OTUD7B: variants seen among roughly 807,000 people sequenced by gnomAD.
The protein encoded by OTUD7B is OTU deubiquitinase 7B.
OTUD7B carries 34 observed loss-of-function variants against 82.2 expected under a neutral mutation model. The ratio of observed to expected loss-of-function variants is 0.41; its 90% CI spans 0.31 to 0.55. The LOEUF (loss-of-function observed/expected upper bound fraction) is 0.55. OTUD7B is among the 20% of genes least tolerant of loss of function. The pLI, the probability that OTUD7B is intolerant of heterozygous loss-of-function variation, is 0.20. For synonymous variants in OTUD7B, 398 were observed against 402.7 expected (o/e 0.99, Z 0.14); for missense variants, 944 against 1,062.1 (o/e 0.89, Z 1.55).
chr1:150,009,144 C>T (rs587686140), intron 1 of OTUD7B, among the ~76,000 whole-genome samples: 2 of 152,294 alleles, frequency 1.3e-5, no homozygotes, highest in East Asian at 1.9e-4. Flanking sequence ...GTAAGTTATA[C>T]ACAGCAAATA....
intron 2 of OTUD7B, among the ~76,000 whole-genome samples, chr1:149,974,529 C>CTA (rs1650155930): frequency 7.4e-6 from 1 of 135,734 alleles, no homozygotes; most frequent in Admixed American, 7.6e-5. Flanking sequence ...TTTTATTTTT[C>CTA]TTCTTTTTTT....
the OTUD7B span, among the ~76,000 whole-genome samples, chr1:150,044,669 CAAA>C: frequency 1.6e-5 from 2 of 125,416 alleles, no homozygotes; most frequent in African/African-American, 7.4e-5. Flanking sequence ...GATTCTGTCT[CAAA>C]AAATAATAAT....
chr1:150,051,757 T>C, the OTUD7B span, among the ~76,000 whole-genome samples: 1 of 152,220 alleles, frequency 6.6e-6, no homozygotes, highest in Non-Finnish European at 1.5e-5. Context: ...TATTTACTAC[T>C]ATTATTAAGA....
the OTUD7B span, among the ~76,000 whole-genome samples, chr1:150,035,367 C>G: frequency 4.6e-5 from 7 of 152,088 alleles, no homozygotes; most frequent in African/African-American, 1.7e-4. Context: ...AAAAAGGCAG[C>G]CTGAGTCCGG....
chr1:149,995,514 G>A (rs1651865693), intron 1 of OTUD7B, among the ~76,000 whole-genome samples: 1 of 151,958 alleles, frequency 6.6e-6, no homozygotes, highest in East Asian at 1.9e-4. Flanking sequence ...GGGAGGCAGG[G>A]GTTGCAGTGA....
the OTUD7B span, among the ~76,000 whole-genome samples, chr1:150,047,196 C>T: frequency 6.6e-6 from 1 of 152,218 alleles, no homozygotes; most frequent in Non-Finnish European, 1.5e-5. Context: ...AGCCCACTCC[C>T]ACCTCAGGGA....
At chr1:150,028,423 G>A in the OTUD7B span, among the ~76,000 whole-genome samples, 3 of 151,866 alleles carry the variant, frequency 2.0e-5, no homozygotes, top group Non-Finnish European at 4.4e-5. Context: ...TTTTAATTGT[G>A]GTAAAATACA....
At chr1:149,948,650 A>G (rs1435588890) in intron 10 of OTUD7B, among the ~76,000 whole-genome samples, 1 of 152,142 alleles carries the variant, frequency 6.6e-6, no homozygotes, top group Non-Finnish European at 1.5e-5. Flanking sequence ...AATTACAGGC[A>G]TAAGCCACCA....
At chr1:150,004,719 T>C (rs1433863961) in intron 1 of OTUD7B, among the ~76,000 whole-genome samples, 1 of 152,092 alleles carries the variant, frequency 6.6e-6, no homozygotes, top group Non-Finnish European at 1.5e-5. Flanking sequence ...CCACTCAGGT[T>C]AGTCTCCTCA....
At chr1:149,954,195 G>C (rs1296739615) in intron 7 of OTUD7B, among the ~76,000 whole-genome samples, 1 of 152,088 alleles carries the variant, frequency 6.6e-6, no homozygotes, top group Non-Finnish European at 1.5e-5. Context: ...GTCATAAATA[G>C]CTCTTATTAT....
chr1:150,045,646 T>G, the OTUD7B span, among the ~76,000 whole-genome samples: 1 of 152,228 alleles, frequency 6.6e-6, no homozygotes, highest in Non-Finnish European at 1.5e-5. Flanking sequence ...TTTACTTGCT[T>G]TCTTGTAACT....
Position 149,993,247 on chromosome 1 carries a change from CT to C in OTUD7B, c.-66-15672del, listed in dbSNP as rs1651714047. Among the ~76,000 whole-genome samples the C allele has an allele frequency of 2.6e-5, 4 of 152,302 alleles. 1 individual carries two copies. The South Asian group carries it at 8.3e-4, about 32-fold the overall frequency. ...TAGGGAGGCAATATTTCCTCTTCCCCTGAGGAAGGCCCACCATCAGTACAGT... is the reference window on the plus strand; with the variant it reads ...TAGGGAGGCAATATTTCCTCTTCCCCGAGGAAGGCCCACCATCAGTACAGT... On this transcript the variant is annotated intron_variant, in intron 1 of 11. Coordinates refer to ENST00000581312, the MANE Select transcript of OTUD7B (RefSeq NM_020205.4).
chr1:150,025,073 CA>C, the OTUD7B span, among the ~76,000 whole-genome samples: 1 of 150,946 alleles, frequency 6.6e-6, no homozygotes, highest in Non-Finnish European at 1.5e-5. Flanking sequence ...ACAAAACAAA[CA>C]AAAAAACCCA....
At chr1:150,005,386 A>T (rs892308048) in intron 1 of OTUD7B, among the ~76,000 whole-genome samples, 5 of 152,186 alleles carry the variant, frequency 3.3e-5, no homozygotes, top group Non-Finnish European at 7.3e-5. Context: ...GTATAATCCT[A>T]AAAAAAGCAC....
the OTUD7B span, among the ~76,000 whole-genome samples, chr1:150,041,904 T>C: frequency 6.6e-6 from 1 of 152,186 alleles, no homozygotes; most frequent in African/African-American, 2.4e-5. Flanking sequence ...TTTTATGTTC[T>C]TTGAGTGCAT....
At chr1:150,011,597 G>A (rs149034476), upstream of OTUD7B, among the ~76,000 whole-genome samples, 34 of 152,268 alleles carry the variant, frequency 2.2e-4, no homozygotes, top group African/African-American at 6.5e-4. Context: ...CATATTTGTT[G>A]AATGAATGAA....
chr1:150,003,822 A>C (rs781829628), intron 1 of OTUD7B, among the ~76,000 whole-genome samples: 1 of 152,160 alleles, frequency 6.6e-6, no homozygotes, highest in Non-Finnish European at 1.5e-5. Context: ...CAGCTACCAC[A>C]TCTAGGCCAT....
At position 149,951,001 on chromosome 1, in the gene OTUD7B, T is replaced by TTTTTTTG. The variant is rs1388877490; in HGVS notation, c.846-781_846-780insCAAAAAA. Among the ~76,000 whole-genome samples the TTTTTTTG allele has an allele frequency of 3.5e-4, 22 of 63,720 alleles. 7 individuals are homozygous for TTTTTTTG. Among genetic ancestry groups the TTTTTTTG allele is most frequent in the Admixed American group, 1.0e-3 (4 of 3,840 alleles). The allele number at this position is 63,720 out of a possible 152,430, so 41.8% of individuals were successfully genotyped here. On this transcript the variant is annotated intron_variant, in intron 7 of 11. Transcript: ENST00000581312. ...TATTTTTTTTTTTTTTTTTTTTTTG[T>TTTTTTTG]AGATGGAGTCTCACTCTTTCGCCCA...
the OTUD7B span, among the ~76,000 whole-genome samples, chr1:150,017,749 G>A: frequency 3.3e-5 from 5 of 152,208 alleles, no homozygotes; most frequent in Admixed American, 6.5e-5. Flanking sequence ...TCAGGCTCTG[G>A]TTATTGCTTT....
Sources: allele counts gnomAD v4.1 joint callset (sites outside exome capture counted in the v4.1 genomes callset), GRCh38; gene constraint gnomAD v4.1.1; transcripts MANE v1.5; gene names NCBI Gene and HGNC (gene_info 2026-07-23, HGNC 2026-07-21).